ROBO2: variants seen among roughly 807,000 people sequenced by gnomAD.
ROBO2 encodes roundabout homolog 2.
A neutral mutation model predicts 160.8 loss-of-function variants in ROBO2; 53 were observed. The ratio of observed to expected loss-of-function variants is 0.33; its 90% CI spans 0.26 to 0.41. The LOEUF (loss-of-function observed/expected upper bound fraction) is 0.41. Among genes scored for constraint, ROBO2 ranks in the 10% least tolerant of loss-of-function variants. The pLI, the probability that ROBO2 is intolerant of heterozygous loss-of-function variation, is 1.00. For missense variants in ROBO2, 1,577 were observed against 1,722.4 expected (o/e 0.92, Z 1.49); for synonymous variants, 664 against 611.7 (o/e 1.09, Z -1.26).
chr3:76,797,423 G>C (rs1334447040), intron 2 of ROBO2, among the ~76,000 whole-genome samples: 1 of 151,922 alleles, frequency 6.6e-6, no homozygotes, highest in East Asian at 1.9e-4. Context: ...AAAACCTATG[G>C]CATACAGCAA....
chr3:76,069,588 T>C (rs2068377207), intron 2 of ROBO2, among the ~76,000 whole-genome samples: 1 of 150,772 alleles, frequency 6.6e-6, no homozygotes, highest in Non-Finnish European at 1.5e-5. Context: ...ATAACTGACT[T>C]AGAAATTATG....
intron 2 of ROBO2, among the ~76,000 whole-genome samples, chr3:77,335,816 A>G (rs557917223): frequency 6.6e-6 from 1 of 152,324 alleles, no homozygotes; most frequent in East Asian, 1.9e-4. Flanking sequence ...TTTGATTTTA[A>G]AGAGCTGACA....
At chr3:76,332,103 G>T (rs2073535455) in intron 2 of ROBO2, among the ~76,000 whole-genome samples, 2 of 152,180 alleles carry the variant, frequency 1.3e-5, no homozygotes, top group Admixed American at 1.3e-4. Flanking sequence ...ATCATAGATT[G>T]TATATTTTGA....
chr3:76,788,127 A>AT (rs2063113879), intron 2 of ROBO2, among the ~76,000 whole-genome samples: 1 of 151,496 alleles, frequency 6.6e-6, no homozygotes, highest in Non-Finnish European at 1.5e-5. Context: ...GAAATAATAA[A>AT]AAAGAGAAGT....
chr3:76,831,941 A>G (rs375296962), intron 2 of ROBO2, among the ~76,000 whole-genome samples: 65 of 152,284 alleles, frequency 4.3e-4, no homozygotes, highest in African/African-American at 1.5e-3. Context: ...CAGAATAGAA[A>G]AGAGTACTTA....
chr3:77,084,208 G>A (rs1053065667), intron 1 of ROBO2, among the ~76,000 whole-genome samples: 52 of 151,998 alleles, frequency 3.4e-4, no homozygotes, highest in African/African-American at 1.1e-3. Flanking sequence ...ACAGCAGTGA[G>A]CGCATCACTA....
At chr3:76,141,056 C>CATATATATATATATATATATAT (rs1467448213) in intron 2 of ROBO2, among the ~76,000 whole-genome samples, 3 of 6,134 alleles carry the variant, frequency 4.9e-4, no homozygotes, top group South Asian at 8.5e-3. Flanking sequence ...TGTCTTTTTA[C>CATATATATATATATATATATAT]ATACATATAT....
chr3:76,545,327 A>T (rs1006499450), intron 2 of ROBO2, among the ~76,000 whole-genome samples: 9 of 152,000 alleles, frequency 5.9e-5, no homozygotes, highest in Non-Finnish European at 1.3e-4. Flanking sequence ...ATTAGATGTA[A>T]TTATAGAAAT....
chr3:76,740,031 A>G (rs1411471293), intron 2 of ROBO2, among the ~76,000 whole-genome samples: 2 of 152,346 alleles, frequency 1.3e-5, no homozygotes, highest in East Asian at 1.9e-4. Context: ...TTTTGCCTAT[A>G]TAACACTGTA....
At chr3:77,388,517 T>G (rs935872188) in intron 2 of ROBO2, among the ~76,000 whole-genome samples, 6 of 152,234 alleles carry the variant, frequency 3.9e-5, no homozygotes, top group African/African-American at 1.4e-4. Context: ...CTCTACTTTC[T>G]TCTTTTTTAA....
chr3:76,177,980 A>G (rs1034981435), intron 2 of ROBO2, among the ~76,000 whole-genome samples: 2 of 152,104 alleles, frequency 1.3e-5, no homozygotes, highest in African/African-American at 4.8e-5. Context: ...TATGACTTTG[A>G]GTTTTGAAAA....
At chr3:76,935,237 G>A (rs941909182) in intron 2 of ROBO2, among the ~76,000 whole-genome samples, 6 of 152,060 alleles carry the variant, frequency 3.9e-5, no homozygotes, top group African/African-American at 1.4e-4. Flanking sequence ...AAAGACATGA[G>A]CCACCACACC....
intron 2 of ROBO2, among the ~76,000 whole-genome samples, chr3:76,393,797 C>T (rs1208266378): frequency 6.6e-6 from 1 of 152,146 alleles, no homozygotes; most frequent in Non-Finnish European, 1.5e-5. Context: ...AGTTCCTCAG[C>T]ATGAATCATA....
chr3:77,219,090 T>TC (rs752851245), intron 2 of ROBO2, among the ~76,000 whole-genome samples: 6 of 152,012 alleles, frequency 3.9e-5, no homozygotes, highest in Non-Finnish European at 5.9e-5. Context: ...TGCCTCAGCC[T>TC]CCTGAGTAGC....
intron 16 of ROBO2, among the ~76,000 whole-genome samples, chr3:77,583,084 G>A (rs1195418567): frequency 1.4e-5 from 2 of 146,438 alleles, no homozygotes; most frequent in Non-Finnish European, 3.0e-5. Context: ...GGAGGTTGCA[G>A]TGAGCTGAGA....
chr3:76,590,679 A>T (rs1382226440), intron 2 of ROBO2, among the ~76,000 whole-genome samples: 1 of 152,176 alleles, frequency 6.6e-6, no homozygotes. Flanking sequence ...TCATAATCTA[A>T]GGAAAAAAGC....
At chr3:76,583,680 C>T (rs566044406) in intron 2 of ROBO2, among the ~76,000 whole-genome samples, 4 of 152,206 alleles carry the variant, frequency 2.6e-5, no homozygotes, top group African/African-American at 9.6e-5. Context: ...CTGAGTCTAT[C>T]TGCCCCACCT....
chr3:76,599,846 T>C (rs1478677155), intron 2 of ROBO2, among the ~76,000 whole-genome samples: 1 of 152,240 alleles, frequency 6.6e-6, no homozygotes, highest in African/African-American at 2.4e-5. Context: ...ATGTATGTCT[T>C]CTTTTGAAAA....
chr3:76,447,678 G>A (rs1404774003), intron 2 of ROBO2, among the ~76,000 whole-genome samples: 1 of 151,206 alleles, frequency 6.6e-6, no homozygotes, highest in Non-Finnish European at 1.5e-5. Context: ...TTAAGAAAAT[G>A]TGGCACATAT....
Sources: gnomAD v4.1 joint callset for allele counts (sites outside exome capture counted in the v4.1 genomes callset) on GRCh38, gnomAD v4.1.1 for gene constraint, MANE v1.5 for transcripts, NCBI Gene and HGNC (gene_info 2026-07-23, HGNC 2026-07-21) for gene names.